GALNT14: variants seen among roughly 807,000 people sequenced by gnomAD.
The protein encoded by GALNT14 is polypeptide N-acetylgalactosaminyltransferase 14, also known as UDP-GalNAc:polypeptide N-acetylgalactosaminyltransferase 14.
In GALNT14, 60 loss-of-function variants were observed where a neutral mutation model predicts 77.5. The observed-to-expected ratio is 0.77, with a 90% CI of 0.63 to 0.96. The LOEUF is 0.96. GALNT14 is among the 40% of genes least tolerant of loss of function. The pLI is 0.00. For synonymous variants in GALNT14, 280 were observed against 281.7 expected (o/e 0.99, Z 0.06); for missense variants, 710 against 731.0 (o/e 0.97, Z 0.33).
At chr2:30,935,650 G>A (rs1012288684) in intron 9 of GALNT14, among the ~76,000 whole-genome samples, 2 of 152,200 alleles carry the variant, frequency 1.3e-5, no homozygotes, top group Non-Finnish European at 1.5e-5. Context: ...TTATAGGGAT[G>A]ACAGTGTGGG....
At chr2:31,096,062 T>C (rs1306918301) in intron 1 of GALNT14, among the ~76,000 whole-genome samples, 1 of 152,140 alleles carries the variant, frequency 6.6e-6, no homozygotes, top group Non-Finnish European at 1.5e-5. Context: ...TGGCCTCTTT[T>C]CTTCATCTCC....
intron 1 of GALNT14, chr2:31,129,635 G>T (rs1678879917): frequency 2.0e-6 from 2 of 985,300 alleles, no homozygotes; most frequent in Non-Finnish European, 2.4e-6. Flanking sequence ...GGCCATCAAG[G>T]AATCTGGCAT....
chr2:30,946,833 C>T (rs1666724791), intron 6 of GALNT14, among the ~76,000 whole-genome samples: 1 of 152,174 alleles, frequency 6.6e-6, no homozygotes, highest in Non-Finnish European at 1.5e-5. Context: ...GATGAATAGT[C>T]ACAAATTTGT....
At chr2:31,023,187 GTA>G (rs1671831764) in intron 1 of GALNT14, among the ~76,000 whole-genome samples, 1 of 151,256 alleles carries the variant, frequency 6.6e-6, no homozygotes, top group Non-Finnish European at 1.5e-5. Flanking sequence ...ACAAAACAAG[GTA>G]TGTTTGAAGG....
chr2:31,014,193 C>G (rs1380487989), intron 1 of GALNT14, among the ~76,000 whole-genome samples: 1 of 152,146 alleles, frequency 6.6e-6, no homozygotes, highest in African/African-American at 2.4e-5. Flanking sequence ...CAGTGGCTTG[C>G]ACATAGTAAA....
At chr2:31,101,496 A>T (rs1341552971) in intron 1 of GALNT14, among the ~76,000 whole-genome samples, 1 of 151,808 alleles carries the variant, frequency 6.6e-6, no homozygotes, top group Admixed American at 6.6e-5. Context: ...TTTTAAAAAA[A>T]TTTCTGCCTT....
chr2:31,047,158 A>C (rs1558523206), intron 1 of GALNT14, among the ~76,000 whole-genome samples: 1 of 152,142 alleles, frequency 6.6e-6, no homozygotes, highest in East Asian at 1.9e-4. Flanking sequence ...GAGAACATAG[A>C]CCAGGGCTTG....
At chr2:30,887,973 C>T in the GALNT14 span, among the ~76,000 whole-genome samples, 1 of 152,222 alleles carries the variant, frequency 6.6e-6, no homozygotes, top group Non-Finnish European at 1.5e-5. Context: ...CTGTAGTCTG[C>T]TGGCACTTGT....
At chr2:30,997,714 T>C (rs1436137094) in intron 1 of GALNT14, among the ~76,000 whole-genome samples, 2 of 152,356 alleles carry the variant, frequency 1.3e-5, no homozygotes, top group East Asian at 1.9e-4. Context: ...TAACAAATAA[T>C]ATCTGTATAT....
chr2:31,017,691 G>A (rs1429255217), intron 1 of GALNT14, among the ~76,000 whole-genome samples: 1 of 152,090 alleles, frequency 6.6e-6, no homozygotes, highest in Non-Finnish European at 1.5e-5. Context: ...CACCTGAGAA[G>A]GCCTAGAAAG....
At chr2:30,993,051 C>A in intron 1 of GALNT14, 44 bp from the exon 2 acceptor site, 1 of 1,598,988 alleles carries the variant, frequency 6.3e-7, no homozygotes, top group Non-Finnish European at 8.5e-7. Context: ...GCTCCCTGTC[C>A]TCCACTAGCC....
intron 1 of GALNT14, among the ~76,000 whole-genome samples, chr2:31,095,589 G>A (rs913595396): frequency 2.0e-5 from 3 of 152,008 alleles, no homozygotes; most frequent in Non-Finnish European, 2.9e-5. Context: ...TGAAGCTTTT[G>A]ACCCTCCATG....
intron 14 of GALNT14, among the ~76,000 whole-genome samples, chr2:30,911,868 G>A (rs1664382757): frequency 6.6e-6 from 1 of 152,152 alleles, no homozygotes; most frequent in Non-Finnish European, 1.5e-5. Context: ...CAGAGCCCAG[G>A]GCCCTGAAGG....
intron 1 of GALNT14, among the ~76,000 whole-genome samples, chr2:31,037,641 C>G (rs1218108806): frequency 6.6e-6 from 1 of 152,154 alleles, no homozygotes; most frequent in East Asian, 1.9e-4. Context: ...AATCTTTCCC[C>G]AGGGTGTGTT....
intron 11 of GALNT14, among the ~76,000 whole-genome samples, chr2:30,926,126 C>T (rs941447674): frequency 3.9e-5 from 6 of 152,198 alleles, no homozygotes; most frequent in African/African-American, 1.4e-4. Context: ...AGCTCATCAC[C>T]AGACTCTAAG....
intron 1 of GALNT14, among the ~76,000 whole-genome samples, chr2:31,040,781 C>G (rs1285140875): frequency 6.6e-6 from 1 of 152,202 alleles, no homozygotes; most frequent in Non-Finnish European, 1.5e-5. Flanking sequence ...AAGCTTGGCA[C>G]TGACTAATTT....
At chr2:31,090,481 CTTTTTTT>C (rs70962302) in intron 1 of GALNT14, among the ~76,000 whole-genome samples, 52 of 93,242 alleles carry the variant, frequency 5.6e-4, no homozygotes, top group African/African-American at 1.4e-3. Flanking sequence ...GTCCCTTCAT[CTTTTTTT>C]TTTTTTTTTT....
chr2:30,976,730 C>A (rs986409686), intron 2 of GALNT14, among the ~76,000 whole-genome samples: 1 of 152,072 alleles, frequency 6.6e-6, no homozygotes, highest in Non-Finnish European at 1.5e-5. Context: ...TGAAATGTTT[C>A]CTAAAAAAGA....
Position 30,910,646 on chromosome 2 carries a change from C to A in GALNT14, c.*255G>T. 2.4e-6 allele frequency: 1 copy of A among 416,964 alleles called. No individual in the cohort carries two copies. Among genetic ancestry groups the A allele is most frequent in the South Asian group, 4.8e-5 (1 of 21,046 alleles). 25.8% of individuals were successfully genotyped at this position (416,964 alleles called of 1,614,324 possible). On this transcript the variant is annotated 3_prime_UTR_variant, in exon 15 of 15. Transcript: ENST00000349752. ...CCATTAGGTTTCTGTCTCCAGATAC[C>A]AATCAGGGAATGACTGGCCAGGACT...
Sources: gnomAD v4.1 joint callset for allele counts (sites outside exome capture counted in the v4.1 genomes callset) on GRCh38, gnomAD v4.1.1 for gene constraint, MANE v1.5 for transcripts, NCBI Gene and HGNC (gene_info 2026-07-23, HGNC 2026-07-21) for gene names.